The following ZDHHC20 variants were observed in gnomAD, a reference collection of about 807,000 sequenced individuals.
The protein encoded by ZDHHC20 is palmitoyltransferase ZDHHC20.
A neutral mutation model predicts 57.8 loss-of-function variants in ZDHHC20; 43 were observed. That is an observed-to-expected ratio of 0.74 (90% CI 0.58 to 0.96). The LOEUF is 0.96. Ranked by LOEUF, ZDHHC20 falls within the 40% of genes least tolerant of loss-of-function variation. The probability of loss-of-function intolerance (pLI) is 0.00; values close to 1 mark genes in which losing one functional copy is unlikely to be tolerated. For missense variants in ZDHHC20, 391 were observed against 441.1 expected, an observed-to-expected ratio of 0.89 and a Z score of 1.02; for synonymous variants, 157 against 153.0, an observed-to-expected ratio of 1.03 and a Z score of -0.19.
At chr13:21,418,216 A>C (rs1880236147) in intron 3 of ZDHHC20, among the ~76,000 whole-genome samples, 1 of 152,206 alleles carries the variant, frequency 6.6e-6, no homozygotes, top group African/African-American at 2.4e-5. Context: ...CCAGATGATA[A>C]GTTCTCTGAC....
At chr13:21,394,902 C>A (rs1025890090) in intron 7 of ZDHHC20, among the ~76,000 whole-genome samples, 37 of 152,106 alleles carry the variant, frequency 2.4e-4, no homozygotes, top group African/African-American at 8.7e-4. Context: ...TTTACATACC[C>A]AAACTTTAAA....
chr13:21,413,817 GTTAA>G, intron 3 of ZDHHC20, 45 bp from the exon 4 acceptor site: 2 of 1,521,682 alleles, frequency 1.3e-6, no homozygotes, highest in South Asian at 2.5e-5. Flanking sequence ...ATCCCATGAT[GTTAA>G]TTATCATGCT....
intron 7 of ZDHHC20, among the ~76,000 whole-genome samples, chr13:21,392,212 T>TTAAAA (rs1223175536): frequency 1.0e-5 from 1 of 95,804 alleles, no homozygotes; most frequent in African/African-American, 3.4e-5. Flanking sequence ...CCCTGTCTCA[T>TTAAAA]AAAAAAAAAA....
chr13:21,405,871 T>C (rs986586347), intron 4 of ZDHHC20, among the ~76,000 whole-genome samples: 1 of 152,164 alleles, frequency 6.6e-6, no homozygotes, highest in Non-Finnish European at 1.5e-5. Flanking sequence ...AAGGGCTAAG[T>C]TAAGTCCCTG....
rs373469337 is a variant in ZDHHC20 at position 21,402,770 on chromosome 13, T to C, written c.440+27A>G. The C allele has an allele frequency of 3.4e-5, 54 of 1,572,478 alleles. No individual in the cohort carries two copies. In the African/African-American group the frequency reaches 5.1e-4, roughly 15 times the overall value. ...CATCACTGATTTCCAGTGCTAGATA[T>C]TAAGCATATGTGTGAGTAACACTTA... On this transcript the variant is annotated intron_variant, in intron 5 of 12. Transcript: ENST00000400590.
intron 4 of ZDHHC20, among the ~76,000 whole-genome samples, chr13:21,412,438 T>A (rs1002989187): frequency 3.9e-5 from 6 of 152,094 alleles, no homozygotes; most frequent in South Asian, 4.2e-4. Flanking sequence ...ACTGTGAAGT[T>A]AAGACATAGG....
intron 8 of ZDHHC20, chr13:21,390,179 T>A (rs1390833058): frequency 6.6e-6 from 1 of 152,210 alleles, no homozygotes; most frequent in African/African-American, 2.4e-5. Flanking sequence ...TTAAAAACTG[T>A]TTCCCTCCAA....
At chr13:21,415,952 C>G (rs1172573162) in intron 3 of ZDHHC20, among the ~76,000 whole-genome samples, 16 of 151,880 alleles carry the variant, frequency 1.1e-4, no homozygotes, top group Admixed American at 1.1e-3. Flanking sequence ...TCTATAATCC[C>G]AGCACTTTGG....
At position 21,393,699 on chromosome 13, in the gene ZDHHC20, C is replaced by CAAA. The variant is rs71093307; in HGVS notation, c.595-1848_595-1846dup. 5.0e-4 allele frequency among the ~76,000 whole-genome samples: 32 copies of CAAA among 63,410 alleles called. 1 individual carries two copies. The highest frequency in any genetic ancestry group is 9.8e-4 in the African/African-American group (13 of 13,316). 41.6% of individuals were successfully genotyped at this position (63,410 alleles called of 152,430 possible). On this transcript the variant is annotated intron_variant, in intron 7 of 12. Coordinates refer to ENST00000400590, the MANE Select transcript of ZDHHC20 (RefSeq NM_001330059.2). Reference sequence around the variant, plus strand: ...AGCCTGGGCGACACAGCAAGTCTCACAAAAAAAAAAAAAAAAAAAAAAAAA... The same window carrying CAAA: ...AGCCTGGGCGACACAGCAAGTCTCACAAAAAAAAAAAAAAAAAAAAAAAAAAAA...
intron 7 of ZDHHC20, among the ~76,000 whole-genome samples, chr13:21,392,410 G>A (rs1034408534): frequency 9.2e-5 from 14 of 152,114 alleles, no homozygotes. Context: ...AACTAATTGT[G>A]AAATATTTTT....
At position 21,374,236 on chromosome 13, in the gene ZDHHC20, A is replaced by G. The variant is rs543272306; in HGVS notation, c.*2460T>C. 32 of 268,912 alleles carry G rather than the reference A, an allele frequency of 1.2e-4. No homozygotes were observed. Among genetic ancestry groups the G allele is most frequent in the Admixed American group, 1.1e-3 (27 of 25,044 alleles). 16.7% of individuals were successfully genotyped at this position (268,912 alleles called of 1,614,324 possible). A position where few individuals can be genotyped will look rare whatever the true frequency, so the allele number is the denominator to read the frequency against. On this transcript the variant is annotated 3_prime_UTR_variant, in exon 13 of 13. Coordinates refer to ENST00000400590, the MANE Select transcript of ZDHHC20 (RefSeq NM_001330059.2). ...TTTAGTTGGTAATTGATATATATATATATTTTTGAGATGGAGTTTCACTCG... is the reference window on the plus strand; with the variant it reads ...TTTAGTTGGTAATTGATATATATATGTATTTTTGAGATGGAGTTTCACTCG...
intron 9 of ZDHHC20, among the ~76,000 whole-genome samples, chr13:21,385,109 C>T (rs1238588099): frequency 1.3e-5 from 2 of 151,708 alleles, no homozygotes; most frequent in East Asian, 3.9e-4. Flanking sequence ...ATAAAAAAAA[C>T]CAAACCAAAC....
In ZDHHC20 at chr13:21,448,818, C is replaced by T. The variant is rs1196203615; in HGVS notation, c.118+10236G>A. Among the ~76,000 whole-genome samples the T allele has an allele frequency of 5.6e-5, 5 of 89,746 alleles. 1 individual carries two copies. The highest frequency in any genetic ancestry group is 4.6e-4 in the East Asian group (2 of 4,388). 58.9% of individuals were successfully genotyped at this position (89,746 alleles called of 152,430 possible). A position where few individuals can be genotyped will look rare whatever the true frequency, so the allele number is the denominator to read the frequency against. ...AAAGATTGAGAAATCGGATGGTTGC[C>T]GTGTCTGTGTAGAAAGAAGTAGACA... On this transcript the variant is annotated intron_variant, in intron 1 of 12. Transcript: ENST00000400590.
intron 4 of ZDHHC20, among the ~76,000 whole-genome samples, chr13:21,412,967 CAAAAAAAAA>C (rs60707653): frequency 6.0e-5 from 4 of 67,100 alleles, no homozygotes; most frequent in Non-Finnish European, 8.0e-5. Context: ...GACTCCGTCT[CAAAAAAAAA>C]AAAAAAAAAA....
chr13:21,398,807 T>C (rs1375631032), intron 7 of ZDHHC20, among the ~76,000 whole-genome samples: 2 of 152,140 alleles, frequency 1.3e-5, no homozygotes. Flanking sequence ...ACTGGTTCAA[T>C]AAATAGCAAC....
At chr13:21,415,351 A>G (rs1424502545) in intron 3 of ZDHHC20, among the ~76,000 whole-genome samples, 2 of 152,186 alleles carry the variant, frequency 1.3e-5, no homozygotes, top group African/African-American at 4.8e-5. Context: ...CTAAAACACC[A>G]TACTTTAGGA....
chr13:21,384,001 A>G (rs1264338083), intron 9 of ZDHHC20, among the ~76,000 whole-genome samples: 2 of 152,216 alleles, frequency 1.3e-5, no homozygotes, highest in East Asian at 3.9e-4. Flanking sequence ...CAAAATAGGC[A>G]GTAGAGAACT....
chr13:21,425,608 TATC>T (rs1391138735), intron 2 of ZDHHC20, 41 bp downstream of exon 2: 25 of 1,174,886 alleles, frequency 2.1e-5, no homozygotes, highest in Non-Finnish European at 2.9e-5. Context: ...CCAATTAAAA[TATC>T]ATTAAGCATT....
intron 7 of ZDHHC20, among the ~76,000 whole-genome samples, chr13:21,392,417 T>G (rs1370964378): frequency 6.6e-6 from 1 of 152,232 alleles, no homozygotes; most frequent in Admixed American, 6.5e-5. Context: ...TGTGAAATAT[T>G]TTTGGACTTC....
Sources: gnomAD v4.1 joint callset for allele counts (sites outside exome capture counted in the v4.1 genomes callset) on GRCh38, gnomAD v4.1.1 for gene constraint, MANE v1.5 for transcripts, NCBI Gene and HGNC (gene_info 2026-07-23, HGNC 2026-07-21) for gene names.